CNTLN: variants seen among roughly 807,000 people sequenced by gnomAD.
The protein encoded by CNTLN is centlein.
In CNTLN, 212 loss-of-function variants were observed where a neutral mutation model predicts 180.0. That is an observed-to-expected ratio of 1.18 (90% CI 1.05 to 1.32). The LOEUF is 1.32. Ranked by LOEUF, CNTLN falls within the 40% of genes most tolerant of loss-of-function variation. CNTLN has a pLI of 0.00. For missense variants in CNTLN, 2,095 were observed against 1,610.9 expected (o/e 1.30, Z -5.14); for synonymous variants, 722 against 563.1 (o/e 1.28, Z -3.99).
chr9:17,411,456 T>A (rs1464239336), intron 16 of CNTLN, among the ~76,000 whole-genome samples: 1 of 152,116 alleles, frequency 6.6e-6, no homozygotes, highest in Non-Finnish European at 1.5e-5. Context: ...CCTCTCCTCC[T>A]CCTATCAGGG....
At chr9:17,400,589 A>G (rs1826895323) in intron 15 of CNTLN, among the ~76,000 whole-genome samples, 1 of 152,200 alleles carries the variant, frequency 6.6e-6, no homozygotes, top group Non-Finnish European at 1.5e-5. Flanking sequence ...TTATCCATAA[A>G]ATAGGCATAA....
chr9:17,241,271 T>C (rs11534160), intron 5 of CNTLN, among the ~76,000 whole-genome samples: 31,272 of 152,158 alleles, frequency 0.21, 4,091 homozygotes, highest in African/African-American at 0.36. Context: ...TTCATTCTTC[T>C]GCATATGTAT....
chr9:17,496,289 A>G (rs895040946), intron 25 of CNTLN, among the ~76,000 whole-genome samples: 1 of 152,228 alleles, frequency 6.6e-6, no homozygotes, highest in Admixed American at 6.5e-5. Context: ...AGAATACCAT[A>G]GACTGGGAAA....
chr9:17,270,841 A>G (rs1827883501), intron 5 of CNTLN, among the ~76,000 whole-genome samples: 1 of 151,920 alleles, frequency 6.6e-6, no homozygotes, highest in Admixed American at 6.6e-5. Context: ...TAGAATGTGT[A>G]ATATAGTCGC....
chr9:17,513,179 A>C, the CNTLN span, among the ~76,000 whole-genome samples: 3 of 152,188 alleles, frequency 2.0e-5, no homozygotes, highest in Admixed American at 6.5e-5. Context: ...AAATGAAAAT[A>C]CTTTTAATAA....
intron 18 of CNTLN, among the ~76,000 whole-genome samples, chr9:17,421,443 T>G (rs1206187143): frequency 6.6e-6 from 1 of 152,152 alleles, no homozygotes; most frequent in African/African-American, 2.4e-5. Context: ...CCCTTTATTT[T>G]CAGTCCATGT....
At chr9:17,228,071 T>C (rs1412339718) in intron 3 of CNTLN, among the ~76,000 whole-genome samples, 1 of 152,050 alleles carries the variant, frequency 6.6e-6, no homozygotes, top group Non-Finnish European at 1.5e-5. Flanking sequence ...GATACAAGTT[T>C]AGCGGTCCCT....
intron 12 of CNTLN, among the ~76,000 whole-genome samples, chr9:17,343,486 T>C (rs1186424572): frequency 1.3e-5 from 2 of 152,162 alleles, no homozygotes; most frequent in African/African-American, 4.8e-5. Context: ...TGATAAACTT[T>C]TGAGGAAATG....
At chr9:17,192,042 C>A (rs1180267768) in intron 2 of CNTLN, among the ~76,000 whole-genome samples, 1 of 152,056 alleles carries the variant, frequency 6.6e-6, no homozygotes, top group East Asian at 1.9e-4. Flanking sequence ...GAAGTATATT[C>A]TGTACCTTGT....
intron 5 of CNTLN, among the ~76,000 whole-genome samples, chr9:17,271,521 A>T (rs1827944256): frequency 6.6e-6 from 1 of 152,258 alleles, no homozygotes; most frequent in Non-Finnish European, 1.5e-5. Flanking sequence ...TACTTACTGG[A>T]AAACTTGTTC....
At chr9:17,373,248 C>T (rs1824475973) in intron 13 of CNTLN, among the ~76,000 whole-genome samples, 1 of 152,094 alleles carries the variant, frequency 6.6e-6, no homozygotes, top group Admixed American at 6.5e-5. Flanking sequence ...CATAAAAAAA[C>T]TATTAGAAAG....
intron 10 of CNTLN, among the ~76,000 whole-genome samples, chr9:17,339,115 T>G (rs1821277609): frequency 6.6e-6 from 1 of 152,200 alleles, no homozygotes; most frequent in Non-Finnish European, 1.5e-5. Context: ...TCAAGCACTT[T>G]CATTTCTGTA....
At chr9:17,212,807 A>T (rs1332340782) in intron 2 of CNTLN, among the ~76,000 whole-genome samples, 2 of 152,092 alleles carry the variant, frequency 1.3e-5, no homozygotes, top group African/African-American at 4.8e-5. Flanking sequence ...CCAGGAATTT[A>T]TCCATTTCTT....
At chr9:17,528,185 T>A in the CNTLN span, among the ~76,000 whole-genome samples, 2 of 152,172 alleles carry the variant, frequency 1.3e-5, no homozygotes, top group African/African-American at 4.8e-5. Flanking sequence ...GTAGTGACTT[T>A]TTCCTGAAGA....
Position 17,163,517 on chromosome 9 carries a change from T to C in CNTLN, c.449+20141T>C, listed in dbSNP as rs369235052. Reference sequence around the variant, plus strand: ...TGATTTAACAGCATTTATATTTCATTGTAATTATTTCTGTGTGTCAGTTTG... The same window carrying C: ...TGATTTAACAGCATTTATATTTCATCGTAATTATTTCTGTGTGTCAGTTTG... On this transcript the variant is annotated intron_variant, in intron 2 of 25. Coordinates refer to ENST00000380647, the MANE Select transcript of CNTLN (RefSeq NM_017738.4). Among the ~76,000 whole-genome samples the C allele has an allele frequency of 4.6e-5, 7 of 152,348 alleles. No individual in the cohort carries two copies. The East Asian group carries it at 1.2e-3, about 25-fold the overall frequency.
At chr9:17,265,726 G>C (rs1385210880) in intron 5 of CNTLN, among the ~76,000 whole-genome samples, 1 of 152,062 alleles carries the variant, frequency 6.6e-6, no homozygotes, top group Non-Finnish European at 1.5e-5. Context: ...GCCTGTTATT[G>C]GTCTATTCAG....
In CNTLN at chr9:17,172,878, A is replaced by G. The variant is rs999792294; in HGVS notation, c.449+29502A>G. On this transcript the variant is annotated intron_variant, in intron 2 of 25. Transcript: ENST00000380647. ...AGGCCTCCAACATGATTAATATCAT[A>G]TTTATTTATGCTGATGTTTCATCTT... 2.0e-5 allele frequency among the ~76,000 whole-genome samples: 3 copies of G among 152,266 alleles called. No individual in the cohort carries two copies. In the East Asian group the frequency reaches 5.8e-4, roughly 29 times the overall value.
At chr9:17,379,082 C>G (rs112888743) in intron 13 of CNTLN, among the ~76,000 whole-genome samples, 4,095 of 151,798 alleles carry the variant, frequency 0.027, 197 homozygotes, top group African/African-American at 0.094. Flanking sequence ...GTTAATTACT[C>G]CACTGTCTTC....
At chr9:17,363,013 G>A (rs1823529041) in intron 12 of CNTLN, among the ~76,000 whole-genome samples, 1 of 152,084 alleles carries the variant, frequency 6.6e-6, no homozygotes, top group Non-Finnish European at 1.5e-5. Context: ...TTGTTAGTTT[G>A]CTGAGAATGA....
Sources: gnomAD v4.1 joint callset for allele counts (sites outside exome capture counted in the v4.1 genomes callset) on GRCh38, gnomAD v4.1.1 for gene constraint, MANE v1.5 for transcripts, NCBI Gene and HGNC (gene_info 2026-07-23, HGNC 2026-07-21) for gene names.